Variants in ANK2 observed in about 807,000 individuals in gnomAD.
The protein encoded by ANK2 is ankyrin-2.
ANK2 carries 83 observed loss-of-function variants against 360.5 expected under a neutral mutation model. The observed-to-expected ratio is 0.23, with a 90% CI of 0.19 to 0.28. ANK2 has a LOEUF of 0.28. Ranked by LOEUF, ANK2 falls within the 10% of genes least tolerant of loss-of-function variation. The pLI is 1.00. For missense variants in ANK2, 4,201 were observed against 4,795.7 expected (o/e 0.88, Z 3.66); for synonymous variants, 1,740 against 1,759.5 (o/e 0.99, Z 0.28).
Position 113,105,673 on chromosome 4 carries a change from A to G in ANK2, c.84+55861A>G, listed in dbSNP as rs2093527071. 2.6e-5 allele frequency among the ~76,000 whole-genome samples: 4 copies of G among 152,300 alleles called. No homozygotes were observed. In the Middle Eastern group the frequency reaches 0.014, roughly 518 times the overall value. On this transcript the variant is annotated intron_variant, in intron 1 of 45. Transcript: ENST00000357077. The stretch of plus-strand genomic sequence containing the variant: ...AATTTCTGTAGAGTATTATTCCATG[A>G]TCTGACATGCTTCACAAACTGTGTT...
At chr4:113,183,693 A>G (rs1022090796) in intron 2 of ANK2, among the ~76,000 whole-genome samples, 3 of 152,040 alleles carry the variant, frequency 2.0e-5, no homozygotes, top group South Asian at 2.1e-4. Flanking sequence ...TTGAAATACT[A>G]GAGGAAGTTT....
intron 1 of ANK2, among the ~76,000 whole-genome samples, chr4:113,150,298 A>C (rs1402220221): frequency 5.9e-5 from 9 of 152,162 alleles, no homozygotes; most frequent in Non-Finnish European, 1.2e-4. Context: ...CAAACAAAAG[A>C]ATAATGCTTG....
chr4:112,735,132 C>T, the ANK2 span, among the ~76,000 whole-genome samples: 1 of 152,106 alleles, frequency 6.6e-6, no homozygotes, highest in Non-Finnish European at 1.5e-5. Context: ...TGCCTATAAT[C>T]CCAGCACTGT....
In ANK2 at chr4:113,293,418, C is replaced by G; in HGVS notation, c.2377-22C>G. The G allele has an allele frequency of 2.5e-6, 4 of 1,600,782 alleles. No individual in the cohort carries two copies. The African/African-American group carries it at 5.4e-5, about 21-fold the overall frequency. On this transcript the variant is annotated intron_variant, in intron 21 of 45. Transcript: ENST00000357077. Reference sequence around the variant, plus strand: ...AGTCCTCTCTCTTATTTCTCACTCTCTCTCTTTCACTCTCTCTTCAGAATG... The same window carrying G: ...AGTCCTCTCTCTTATTTCTCACTCTGTCTCTTTCACTCTCTCTTCAGAATG...
intron 2 of ANK2, among the ~76,000 whole-genome samples, chr4:112,910,229 G>A (rs1022571347): frequency 3.3e-5 from 5 of 152,140 alleles, no homozygotes; most frequent in Admixed American, 6.5e-5. Context: ...AATCTGGCCC[G>A]CTTCATTTTG....
At chr4:113,300,563 C>G (rs970614022) in intron 22 of ANK2, among the ~76,000 whole-genome samples, 1 of 152,132 alleles carries the variant, frequency 6.6e-6, no homozygotes, top group Non-Finnish European at 1.5e-5. Flanking sequence ...ACAGCACACA[C>G]GATGCTCTAG....
intron 2 of ANK2, among the ~76,000 whole-genome samples, chr4:112,974,246 G>C (rs1479363972): frequency 6.6e-6 from 1 of 152,146 alleles, no homozygotes. Context: ...TGTGTTATTT[G>C]TGGGAACACA....
At chr4:113,326,697 G>GT (rs2090140446) in intron 26 of ANK2, among the ~76,000 whole-genome samples, 1 of 151,890 alleles carries the variant, frequency 6.6e-6, no homozygotes, top group Non-Finnish European at 1.5e-5. Context: ...ACGAAGGCTT[G>GT]TTTTCTTTAA....
At position 113,335,919 on chromosome 4, in the gene ANK2, T is replaced by C. The variant is rs1216235769; in HGVS notation, c.3453T>C (p.Phe1151=). 6.2e-7 allele frequency: 1 copy of C among 1,614,148 alleles called. No homozygotes were observed. Among genetic ancestry groups the C allele is most frequent in the Non-Finnish European group, 8.5e-7 (1 of 1,180,028 alleles). Residue 1151 remains phenylalanine (F), a synonymous_variant, in exon 30 of 46, where the codon TTT becomes TTC. Transcript: ENST00000357077. ...RIITRDFPQY[F]AVVSRIKQDS... is the part of the protein sequence containing the mutation. Reference sequence around the variant, plus strand: ...TCACCCGAGACTTCCCACAGTACTTTGCAGTGGTGTCTCGTATCAAACAGG... The same window carrying C: ...TCACCCGAGACTTCCCACAGTACTTCGCAGTGGTGTCTCGTATCAAACAGG...
At position 113,305,979 on chromosome 4, in the gene ANK2, T is replaced by C. The variant is rs560092415; in HGVS notation, c.2548+3140T>C. Among the ~76,000 whole-genome samples the C allele has an allele frequency of 7.2e-5, 11 of 152,328 alleles. No homozygotes were observed. The South Asian group carries it at 8.3e-4, about 11-fold the overall frequency. ...GACTTTACATTGAGATGTCCTTACA[T>C]TGAGATATCCTATCAGGCTAATTTG... is the stretch of plus-strand genomic sequence containing the variant. On this transcript the variant is annotated intron_variant, in intron 23 of 45. Transcript: ENST00000357077.
chr4:112,971,620 A>C (rs983001030), intron 2 of ANK2, among the ~76,000 whole-genome samples: 4 of 152,218 alleles, frequency 2.6e-5, no homozygotes, highest in Non-Finnish European at 5.9e-5. Flanking sequence ...GGAAAGAAGA[A>C]ATACATTGGT....
At chr4:113,125,955 A>T (rs925549770) in intron 1 of ANK2, among the ~76,000 whole-genome samples, 35 of 152,304 alleles carry the variant, frequency 2.3e-4, no homozygotes, top group African/African-American at 8.2e-4. Context: ...GGAAGGAAAT[A>T]GTTCCTGTTG....
At chr4:113,165,630 A>T (rs1011777806) in intron 1 of ANK2, among the ~76,000 whole-genome samples, 5 of 152,142 alleles carry the variant, frequency 3.3e-5, no homozygotes, top group African/African-American at 1.2e-4. Flanking sequence ...CAGTAACAAA[A>T]ATGAGGGAAT....
intron 2 of ANK2, among the ~76,000 whole-genome samples, chr4:112,952,477 T>C (rs1360786728): frequency 6.6e-6 from 1 of 152,224 alleles, no homozygotes; most frequent in East Asian, 1.9e-4. Context: ...GTCTTTATTG[T>C]TCTGGGGAAG....
At chr4:112,871,464 G>A (rs143580073) in intron 1 of ANK2, among the ~76,000 whole-genome samples, 2,061 of 152,306 alleles carry the variant, frequency 0.014, 44 homozygotes, top group African/African-American at 0.045. Context: ...TGAGATTACA[G>A]GCATGAGCCA....
intron 10 of ANK2, among the ~76,000 whole-genome samples, chr4:113,253,479 A>G (rs181397614): frequency 6.6e-6 from 1 of 152,242 alleles, no homozygotes; most frequent in East Asian, 1.9e-4. Flanking sequence ...GGGCATCTCA[A>G]ATTTAGTAAG....
At chr4:112,812,538 G>A in the ANK2 span, among the ~76,000 whole-genome samples, 3,220 of 152,252 alleles carry the variant, frequency 0.021, 116 homozygotes, top group African/African-American at 0.074. Flanking sequence ...CAATGTTCCA[G>A]TTCAGGCACC....
intron 23 of ANK2, among the ~76,000 whole-genome samples, chr4:113,305,068 C>T (rs1024745993): frequency 2.0e-5 from 3 of 151,892 alleles, no homozygotes; most frequent in South Asian, 4.2e-4. Context: ...CGGCCGGGCG[C>T]GGTGGCTCAC....
intron 1 of ANK2, among the ~76,000 whole-genome samples, chr4:113,110,084 T>A (rs1377564108): frequency 1.3e-5 from 2 of 152,198 alleles, no homozygotes; most frequent in East Asian, 3.9e-4. Context: ...TACCAGAGAC[T>A]GGGTAATTTA....
Sources: gnomAD v4.1 joint callset for allele counts (sites outside exome capture counted in the v4.1 genomes callset) on GRCh38, gnomAD v4.1.1 for gene constraint, MANE v1.5 for transcripts, NCBI Gene and HGNC (gene_info 2026-07-23, HGNC 2026-07-21) for gene names.